Variants in PRR5L observed in about 807,000 individuals in gnomAD.
The protein encoded by PRR5L is proline-rich protein 5-like.
In PRR5L, 21 loss-of-function variants were observed where a neutral mutation model predicts 36.4. The observed-to-expected ratio is 0.58, with a 90% CI of 0.41 to 0.83. The LOEUF (loss-of-function observed/expected upper bound fraction) is 0.83, where lower values mean the gene tolerates loss of function less well. PRR5L is among the 40% of genes least tolerant of loss of function. PRR5L has a pLI of 0.00. For missense variants in PRR5L, 381 were observed against 473.3 expected (o/e 0.80, Z 1.81); for synonymous variants, 188 against 197.0 (o/e 0.95, Z 0.38).
Position 36,312,216 on chromosome 11 carries a change from A to G in PRR5L, c.-126+15778A>G, listed in dbSNP as rs374562860. Among the ~76,000 whole-genome samples the G allele has an allele frequency of 2.6e-4, 40 of 152,324 alleles. No individual in the cohort carries two copies. In the East Asian group the frequency reaches 4.6e-3, roughly 18 times the overall value. Reference sequence around the variant, plus strand: ...CCTAGACATGTAGAGAAAGACTCAAAGAGGGGAAGACATAGGGGCAACTGA... The same window carrying G: ...CCTAGACATGTAGAGAAAGACTCAAGGAGGGGAAGACATAGGGGCAACTGA... On this transcript the variant is annotated intron_variant, in intron 1 of 8. Transcript: ENST00000530639.
chr11:36,327,166 T>A (rs1856672898), intron 1 of PRR5L, among the ~76,000 whole-genome samples: 1 of 152,236 alleles, frequency 6.6e-6, no homozygotes, highest in South Asian at 2.1e-4. Context: ...ATTGAGGAAC[T>A]GCAAATGAAA....
In PRR5L at chr11:36,464,642, T is replaced by A. The variant is rs1475297487; in HGVS notation, c.*1906T>A. Reference sequence around the variant, plus strand: ...TAATTTATGTAACTGATAGCTTCTGTCCTTATTAGTACACTTAACATTTGA... The same window carrying A: ...TAATTTATGTAACTGATAGCTTCTGACCTTATTAGTACACTTAACATTTGA... On this transcript the variant is annotated 3_prime_UTR_variant, in exon 9 of 9. Transcript: ENST00000530639. 1 of 152,228 alleles carries A rather than the reference T, an allele frequency of 6.6e-6. No individual in the cohort carries two copies. The highest frequency in any genetic ancestry group is 2.4e-5 in the African/African-American group (1 of 41,470). 9.4% of individuals were successfully genotyped at this position (152,228 alleles called of 1,614,324 possible).
intron 4 of PRR5L, among the ~76,000 whole-genome samples, chr11:36,420,021 G>A (rs1043818515): frequency 6.6e-6 from 1 of 152,158 alleles, no homozygotes; most frequent in African/African-American, 2.4e-5. Flanking sequence ...TGAGTTTAAG[G>A]TTCCAGGACC....
At chr11:36,374,042 T>C (rs549446074) in intron 1 of PRR5L, among the ~76,000 whole-genome samples, 1 of 147,956 alleles carries the variant, frequency 6.8e-6, no homozygotes, top group Admixed American at 6.8e-5. Context: ...GATAATAATT[T>C]TTTCCTCCTT....
chr11:36,427,065 G>T (rs1244078992), intron 4 of PRR5L, among the ~76,000 whole-genome samples: 2 of 152,184 alleles, frequency 1.3e-5, no homozygotes, highest in Non-Finnish European at 2.9e-5. Context: ...GACCCGGGAG[G>T]AGCTGGGTCT....
chr11:36,462,721 T>C lies in PRR5L; in HGVS notation c.1092T>C (p.Cys364=). 3 of 1,562,364 alleles carry C rather than the reference T, an allele frequency of 1.9e-6. No homozygotes were observed. Among genetic ancestry groups the C allele is most frequent in the Non-Finnish European group, 1.7e-6 (2 of 1,154,032 alleles). Residue 364 remains cysteine, a synonymous_variant, in exon 9 of 9, where the codon TGT becomes TGC. Transcript: ENST00000530639. The part of the protein sequence containing the change: ...RGSQEGSELN[C]ASLS ...GCCAGGAGGGCTCGGAGCTGAACTG[T>C]GCTTCCCTCAGCTGAGTCGCCACCC...
Position 36,344,316 on chromosome 11 carries a change from T to C in PRR5L, c.-126+47878T>C, listed in dbSNP as rs1856844983. ...ACTCACAGAAAATCATGTTAAGTCT[T>C]GGTGTATTACTTCCAGACCTATTTC... On this transcript the variant is annotated intron_variant, in intron 1 of 8. Transcript: ENST00000530639. This position sits in a 1 kb window ranked among gnomAD's most constrained non-coding sequence, Gnocchi z 4.1. 6.6e-6 allele frequency among the ~76,000 whole-genome samples: 1 copy of C among 152,200 alleles called. No homozygotes were observed. The highest frequency in any genetic ancestry group is 2.4e-5 in the African/African-American group (1 of 41,452).
intron 1 of PRR5L, among the ~76,000 whole-genome samples, chr11:36,330,556 A>C (rs574596976): frequency 7.9e-4 from 121 of 152,262 alleles, no homozygotes; most frequent in Non-Finnish European, 1.5e-3. Context: ...AACATGAAGC[A>C]CTTTGCCCAG....
intron 1 of PRR5L, among the ~76,000 whole-genome samples, chr11:36,336,215 T>C (rs1026856667): frequency 2.0e-5 from 3 of 152,216 alleles, no homozygotes; most frequent in Non-Finnish European, 4.4e-5. Flanking sequence ...AACTTAAATG[T>C]ATTTTAAAAA....
chr11:36,385,552 C>T (rs404079), intron 1 of PRR5L, among the ~76,000 whole-genome samples: 89,588 of 152,042 alleles, frequency 0.59, 26,982 homozygotes, highest in Non-Finnish European at 0.66. Flanking sequence ...ATCCTGTTTG[C>T]CCTAATATTT....
intron 4 of PRR5L, among the ~76,000 whole-genome samples, chr11:36,422,991 G>C (rs769307268): frequency 9.2e-5 from 14 of 152,078 alleles, no homozygotes; most frequent in Non-Finnish European, 1.5e-4. Context: ...GTGGTTCAGA[G>C]CATGGGTGTG....
At chr11:36,400,494 G>A (rs1857768165) in intron 1 of PRR5L, among the ~76,000 whole-genome samples, 1 of 152,184 alleles carries the variant, frequency 6.6e-6, no homozygotes, top group Non-Finnish European at 1.5e-5. Context: ...GGAACAGCAG[G>A]TAAGGGAAGG....
chr11:36,410,584 C>T (rs12270539), intron 3 of PRR5L, among the ~76,000 whole-genome samples: 7,475 of 152,254 alleles, frequency 0.049, 249 homozygotes, highest in African/African-American at 0.096. Context: ...TGCAGACTGC[C>T]GAGCATAGTG....
chr11:36,423,807 C>T (rs1590571484), intron 4 of PRR5L, among the ~76,000 whole-genome samples: 1 of 152,002 alleles, frequency 6.6e-6, no homozygotes, highest in Non-Finnish European at 1.5e-5. Context: ...TTGATTTGGC[C>T]AGTACTTAGA....
chr11:36,303,119 G>C (rs1175298471), intron 1 of PRR5L, among the ~76,000 whole-genome samples: 1 of 152,090 alleles, frequency 6.6e-6, no homozygotes, highest in Admixed American at 6.5e-5. Context: ...GTGGAGGGAA[G>C]CAGGACTCTT....
intron 1 of PRR5L, among the ~76,000 whole-genome samples, chr11:36,340,212 C>T (rs1298918998): frequency 6.6e-6 from 1 of 152,190 alleles, no homozygotes; most frequent in African/African-American, 2.4e-5. Flanking sequence ...AATTTGTTGT[C>T]AGCATTTGCA....
chr11:36,356,791 CT>C (rs1248711745), intron 1 of PRR5L, among the ~76,000 whole-genome samples: 3 of 152,160 alleles, frequency 2.0e-5, no homozygotes, highest in East Asian at 3.9e-4. Flanking sequence ...GGTTGTTCCC[CT>C]GACTCTCCCT....
intron 1 of PRR5L, among the ~76,000 whole-genome samples, chr11:36,400,344 TGAAAA>T (rs1214211638): frequency 1.3e-5 from 2 of 152,168 alleles, no homozygotes; most frequent in African/African-American, 4.8e-5. Flanking sequence ...AGTGAATACT[TGAAAA>T]GACTGTTATC....
In PRR5L at chr11:36,462,683, G is replaced by A. The variant is rs1056425134; in HGVS notation, c.1054G>A (p.Gly352Arg). The A allele has an allele frequency of 2.5e-6, 4 of 1,604,230 alleles. No individual in the cohort carries two copies. Among genetic ancestry groups the A allele is most frequent in the Non-Finnish European group, 3.4e-6 (4 of 1,175,912 alleles). The change falls in exon 9 of 9, where the codon GGG (glycine) becomes AGG (arginine). Residue 352 changes from glycine (G) to arginine (R), a missense_variant. By Grantham distance (125) the Gly-to-Arg change is moderately radical. Coordinates refer to ENST00000530639, the MANE Select transcript of PRR5L (RefSeq NM_001160167.2). ...ITDNPDGLEE[G>R]ARGSQEGSEL... Reference sequence around the variant, plus strand: ...TGACAACCCTGACGGACTGGAGGAGGGGGCCAGGGGCAGCCAGGAGGGCTC... The same window carrying A: ...TGACAACCCTGACGGACTGGAGGAGAGGGCCAGGGGCAGCCAGGAGGGCTC...
Sources: gnomAD v4.1 joint callset for allele counts (sites outside exome capture counted in the v4.1 genomes callset) on GRCh38, gnomAD v4.1.1 for gene constraint, Gnocchi (gnomAD v3.1) non-coding constraint, MANE v1.5 for transcripts, NCBI Gene and HGNC (gene_info 2026-07-23, HGNC 2026-07-21) for gene names.